CPNE8: variants seen among roughly 807,000 people sequenced by gnomAD.
CPNE8 encodes the protein copine-8.
A neutral mutation model predicts 81.5 loss-of-function variants in CPNE8; 45 were observed. The observed-to-expected ratio is 0.55, with a 90% confidence interval of 0.44 to 0.71. CPNE8 has a LOEUF of 0.71. Ranked by LOEUF, CPNE8 falls within the 30% of genes least tolerant of loss-of-function variation. The probability of loss-of-function intolerance (pLI) is 0.00; values close to 1 mark genes in which losing one functional copy is unlikely to be tolerated. For synonymous variants in CPNE8, 252 were observed against 226.3 expected, an observed-to-expected ratio of 1.11 and a Z score of -1.02; for missense variants, 594 against 672.1, an observed-to-expected ratio of 0.88 and a Z score of 1.28.
chr12:38,867,604 T>C (rs1943935588), intron 3 of CPNE8, among the ~76,000 whole-genome samples: 1 of 152,176 alleles, frequency 6.6e-6, no homozygotes. Context: ...ACAAATTCTA[T>C]AATTTTAAAT....
intron 1 of CPNE8, among the ~76,000 whole-genome samples, chr12:38,881,284 C>T (rs1241329356): frequency 1.3e-5 from 2 of 151,760 alleles, no homozygotes; most frequent in African/African-American, 4.8e-5. Flanking sequence ...TCTAAGATAC[C>T]AAGTAATTCT....
chr12:38,706,806 G>A (rs1052366138), intron 13 of CPNE8, among the ~76,000 whole-genome samples: 10 of 152,118 alleles, frequency 6.6e-5, no homozygotes. Context: ...TGGGCAAATG[G>A]ATACGTTTGT....
At chr12:38,878,126 C>T (rs1438893415) in intron 1 of CPNE8, among the ~76,000 whole-genome samples, 5 of 152,178 alleles carry the variant, frequency 3.3e-5, no homozygotes, top group Non-Finnish European at 7.3e-5. Flanking sequence ...ATAATCCACC[C>T]CGTGGATATA....
chr12:38,900,700 T>C (rs1944448469), intron 1 of CPNE8, among the ~76,000 whole-genome samples: 1 of 152,100 alleles, frequency 6.6e-6, no homozygotes, highest in African/African-American at 2.4e-5. Flanking sequence ...ACTTTGGGAC[T>C]GTACCTTTTA....
intron 6 of CPNE8, among the ~76,000 whole-genome samples, chr12:38,780,936 T>G (rs965344380): frequency 6.6e-6 from 1 of 151,972 alleles, no homozygotes; most frequent in African/African-American, 2.4e-5. Context: ...AAGGAAATAC[T>G]AAATACGAGT....
chr12:38,709,652 C>T (rs372540980), intron 13 of CPNE8, among the ~76,000 whole-genome samples: 4 of 152,106 alleles, frequency 2.6e-5, no homozygotes, highest in Non-Finnish European at 5.9e-5. Flanking sequence ...TTTTTCAGAA[C>T]GTGAGCATAC....
chr12:38,732,708 C>T lies in CPNE8; in HGVS notation c.723-2350G>A, dbSNP rs553153039. On this transcript the variant is annotated intron_variant, in intron 10 of 19. Coordinates refer to ENST00000331366, the MANE Select transcript of CPNE8 (RefSeq NM_153634.3). ...TCTGCAGACTTTTCAGATTTCTCAC[C>T]CTATATTACTCCTTTGTTTCAATGT... 3.3e-5 allele frequency among the ~76,000 whole-genome samples: 5 copies of T among 152,034 alleles called. No homozygotes were observed. In the East Asian group the frequency reaches 9.7e-4, roughly 29 times the overall value.
chr12:38,890,907 A>ATT (rs913458035), intron 1 of CPNE8, among the ~76,000 whole-genome samples: 102 of 148,318 alleles, frequency 6.9e-4, no homozygotes, highest in African/African-American at 2.4e-3. Flanking sequence ...ATACATATAT[A>ATT]TATATGTATA....
In CPNE8 at chr12:38,672,396, T is replaced by C. The variant is rs60305068; in HGVS notation, c.1433-1594A>G. Among the ~76,000 whole-genome samples the C allele has an allele frequency of 0.016, 2,448 of 152,252 alleles. 294 individuals are homozygous for C. The East Asian group carries it at 0.32, about 20-fold the overall frequency. On this transcript the variant is annotated intron_variant, in intron 18 of 19. Transcript: ENST00000331366. The stretch of plus-strand genomic sequence containing the variant: ...ACAGCAAGAAGTGGAGGCTGTGCTT[T>C]TGAGAGCAAGAAGAGAGATGGTGTG...
chr12:38,798,742 A>C (rs1387053805), intron 6 of CPNE8, among the ~76,000 whole-genome samples: 2 of 152,194 alleles, frequency 1.3e-5, no homozygotes, highest in African/African-American at 4.8e-5. Context: ...CAATTGAAAG[A>C]CACAGACTGG....
intron 1 of CPNE8, among the ~76,000 whole-genome samples, chr12:38,893,039 C>A (rs1944336945): frequency 6.6e-6 from 1 of 151,922 alleles, no homozygotes; most frequent in African/African-American, 2.4e-5. Flanking sequence ...TGAATTAGAG[C>A]CTACATTTTT....
intron 15 of CPNE8, among the ~76,000 whole-genome samples, chr12:38,691,417 A>C (rs1939673479): frequency 6.6e-6 from 1 of 152,220 alleles, no homozygotes; most frequent in Non-Finnish European, 1.5e-5. Flanking sequence ...AGTATAAAGT[A>C]TGTGACTCGA....
At chr12:38,737,072 T>C (rs1160569482) in intron 10 of CPNE8, among the ~76,000 whole-genome samples, 1 of 152,008 alleles carries the variant, frequency 6.6e-6, no homozygotes, top group African/African-American at 2.4e-5. Flanking sequence ...CTGTTTCAAG[T>C]TTAAACTATA....
intron 6 of CPNE8, among the ~76,000 whole-genome samples, chr12:38,810,021 T>C (rs1687750811): frequency 6.6e-6 from 1 of 152,214 alleles, no homozygotes; most frequent in Non-Finnish European, 1.5e-5. Context: ...CTCCATCAAC[T>C]GAGTCATTCT....
intron 1 of CPNE8, among the ~76,000 whole-genome samples, chr12:38,891,660 T>G (rs1261502194): frequency 6.6e-6 from 1 of 152,158 alleles, no homozygotes; most frequent in Non-Finnish European, 1.5e-5. Flanking sequence ...TTGGTCAGGC[T>G]GGTCTCAAAC....
chr12:38,900,797 C>A (rs79686911), intron 1 of CPNE8, among the ~76,000 whole-genome samples: 1 of 152,098 alleles, frequency 6.6e-6, no homozygotes, highest in Non-Finnish European at 1.5e-5. Flanking sequence ...TTGCTGGGTT[C>A]ATGCAAGGAG....
intron 4 of CPNE8, among the ~76,000 whole-genome samples, chr12:38,842,448 T>G (rs960243910): frequency 6.6e-6 from 1 of 152,080 alleles, no homozygotes; most frequent in East Asian, 1.9e-4. Context: ...AATACAATCC[T>G]CTTTCACTGT....
In CPNE8 at chr12:38,817,845, G is replaced by A. The variant is rs150895570; in HGVS notation, c.407+11534C>T. Among the ~76,000 whole-genome samples the A allele has an allele frequency of 4.5e-3, 689 of 151,984 alleles. 4 individuals carry two copies. Among genetic ancestry groups the A allele is most frequent in the Middle Eastern group, 0.024 (7 of 294 alleles). Reference sequence around the variant, plus strand: ...TCACTGTGTTAGCCAGGATGGTCTCGATCTCCTGACCTCGTGATCCTCCTG... The same window carrying A: ...TCACTGTGTTAGCCAGGATGGTCTCAATCTCCTGACCTCGTGATCCTCCTG... On this transcript the variant is annotated intron_variant, in intron 6 of 19. Transcript: ENST00000331366.
chr12:38,743,019 C>T (rs1941145289), intron 10 of CPNE8, among the ~76,000 whole-genome samples: 1 of 151,960 alleles, frequency 6.6e-6, no homozygotes, highest in Admixed American at 6.6e-5. Flanking sequence ...CATAGCATAG[C>T]ATACACAATA....
Sources: allele counts gnomAD v4.1 joint callset (sites outside exome capture counted in the v4.1 genomes callset), GRCh38; gene constraint gnomAD v4.1.1; transcripts MANE v1.5; gene names NCBI Gene and HGNC (gene_info 2026-07-23, HGNC 2026-07-21).